The following HPSE2 variants were observed in gnomAD, a reference collection of about 807,000 sequenced individuals.
HPSE2 encodes the protein heparanase 2 (inactive), also known as inactive heparanase-2.
A neutral mutation model predicts 60.5 loss-of-function variants in HPSE2; 38 were observed. The ratio of observed to expected loss-of-function variants is 0.63; its 90% confidence interval spans 0.48 to 0.82. The LOEUF is 0.82. Ranked by LOEUF, HPSE2 falls within the 40% of genes least tolerant of loss-of-function variation. The pLI is 0.00. For missense variants in HPSE2, 713 were observed against 740.4 expected (o/e 0.96, Z 0.43); for synonymous variants, 295 against 293.2 (o/e 1.01, Z -0.06).
At chr10:98,662,981 G>A (rs958402261) in intron 6 of HPSE2, among the ~76,000 whole-genome samples, 4 of 152,170 alleles carry the variant, frequency 2.6e-5, no homozygotes, top group African/African-American at 9.7e-5. Flanking sequence ...GATAGGACAT[G>A]ATAGGACCAC....
intron 3 of HPSE2, among the ~76,000 whole-genome samples, chr10:99,128,856 T>A (rs531753975): frequency 1.3e-5 from 2 of 152,226 alleles, no homozygotes; most frequent in Non-Finnish European, 2.9e-5. Context: ...TTAATTTCAT[T>A]TTTTAAAAAA....
At chr10:98,543,308 T>G (rs1425006452) in intron 9 of HPSE2, among the ~76,000 whole-genome samples, 4 of 151,670 alleles carry the variant, frequency 2.6e-5, no homozygotes, top group Non-Finnish European at 4.4e-5. Context: ...AGGCCTGCCG[T>G]AAAAGAGCTC....
chr10:99,266,815 C>T, the HPSE2 span, among the ~76,000 whole-genome samples: 2 of 152,188 alleles, frequency 1.3e-5, no homozygotes, highest in Non-Finnish European at 2.9e-5. Context: ...AGATTGTTCA[C>T]ATCACACGAC....
At chr10:99,081,716 A>G (rs1262279366) in intron 3 of HPSE2, among the ~76,000 whole-genome samples, 1 of 151,756 alleles carries the variant, frequency 6.6e-6, no homozygotes, top group African/African-American at 2.4e-5. Flanking sequence ...GGCTCACTGC[A>G]ACCTCCGCCT....
intron 3 of HPSE2, among the ~76,000 whole-genome samples, chr10:98,771,977 G>T (rs1444860759): frequency 1.3e-5 from 2 of 152,188 alleles, no homozygotes; most frequent in Non-Finnish European, 2.9e-5. Flanking sequence ...GACACCATTT[G>T]CTAAGGCCAT....
chr10:98,933,002 C>A (rs574225665), intron 3 of HPSE2, among the ~76,000 whole-genome samples: 2 of 143,734 alleles, frequency 1.4e-5, no homozygotes, highest in South Asian at 4.2e-4. Flanking sequence ...CTGTCTTCTG[C>A]TAGCTCTAGG....
rs764975258 is a variant in HPSE2, at chr10:98,482,641, C to T, written c.1608G>A (p.Lys536=). The T allele has an allele frequency of 3.1e-6, 5 of 1,614,026 alleles. No individual in the cohort carries two copies. In the African/African-American group the frequency reaches 5.3e-5, roughly 17 times the overall value. ...ATTTTCAGGTTGGCACGTACTTGGACTTTAGGCCCTCCTGCCCATAGGGCT... is the reference window on the plus strand; with the variant it reads ...ATTTTCAGGTTGGCACGTACTTGGATTTTAGGCCCTCCTGCCCATAGGGCT... ...LLQPYGQEGL[K]SKSVQLNGQP... is the part of the protein sequence containing the mutation. The change falls in exon 11 of 12, where the codon AAG becomes AAA. Residue 536 remains lysine, a synonymous_variant. Coordinates refer to ENST00000370552, the MANE Select transcript of HPSE2 (RefSeq NM_021828.5).
intron 3 of HPSE2, among the ~76,000 whole-genome samples, chr10:98,955,625 T>C (rs1342190389): frequency 6.6e-6 from 1 of 152,152 alleles, no homozygotes; most frequent in Non-Finnish European, 1.5e-5. Context: ...CAAAAGAATA[T>C]AAATCATTCT....
intron 3 of HPSE2, among the ~76,000 whole-genome samples, chr10:98,839,921 A>G (rs1239759681): frequency 6.6e-6 from 1 of 152,260 alleles, no homozygotes; most frequent in Non-Finnish European, 1.5e-5. Context: ...AGAAGCATAA[A>G]TGGGAGAAAC....
chr10:98,927,484 C>T (rs1348899378), intron 3 of HPSE2, among the ~76,000 whole-genome samples: 2 of 148,818 alleles, frequency 1.3e-5, no homozygotes, highest in Non-Finnish European at 3.0e-5. Flanking sequence ...TTGGAAAAAA[C>T]TACTTTAAAG....
intron 6 of HPSE2, among the ~76,000 whole-genome samples, chr10:98,679,892 C>T (rs1382095833): frequency 1.3e-5 from 2 of 152,008 alleles, no homozygotes; most frequent in African/African-American, 2.4e-5. Flanking sequence ...ATGGGCTACT[C>T]TCAAACCCCT....
intron 5 of HPSE2, among the ~76,000 whole-genome samples, chr10:98,718,342 T>C (rs1948840517): frequency 6.6e-6 from 1 of 152,212 alleles, no homozygotes; most frequent in Non-Finnish European, 1.5e-5. Flanking sequence ...ATTCTATCTC[T>C]GTCTTCATAG....
chr10:98,461,695 G>A, intron 11 of HPSE2: 3 of 1,145,022 alleles, frequency 2.6e-6, no homozygotes, highest in Non-Finnish European at 3.8e-6. Context: ...TTTATATCAG[G>A]TCTCTGCTAG....
rs72831945 is a variant in HPSE2 at position 98,616,636 on chromosome 10, A to G, written c.1206-1618T>C. ...ATATTTTATTCTCAAAAAAACTAAC[A>G]AATATTTACTGACAATTAGAGTTAT... On this transcript the variant is annotated intron_variant, in intron 8 of 11. Transcript: ENST00000370552. Among the ~76,000 whole-genome samples, 1,058 of 152,320 alleles carry G rather than the reference A, an allele frequency of 6.9e-3. 10 individuals carry two copies. The highest frequency in any genetic ancestry group is 0.027 in the South Asian group (130 of 4,824).
At chr10:99,050,575 G>A (rs1055949250) in intron 3 of HPSE2, among the ~76,000 whole-genome samples, 1 of 152,104 alleles carries the variant, frequency 6.6e-6, no homozygotes, top group East Asian at 1.9e-4. Flanking sequence ...TGGAATTACT[G>A]CAATAAGTTA....
At chr10:98,708,834 G>A (rs955443866) in intron 5 of HPSE2, among the ~76,000 whole-genome samples, 1 of 152,052 alleles carries the variant, frequency 6.6e-6, no homozygotes, top group Admixed American at 6.6e-5. Flanking sequence ...AGAAGTCTTC[G>A]AATAATATTT....
At chr10:98,882,407 A>G (rs908005083) in intron 3 of HPSE2, among the ~76,000 whole-genome samples, 11 of 151,970 alleles carry the variant, frequency 7.2e-5, no homozygotes, top group African/African-American at 2.4e-4. Flanking sequence ...TTTTTTCTCA[A>G]AAGTCATGAG....
At chr10:98,942,894 T>G (rs1955054860) in intron 3 of HPSE2, among the ~76,000 whole-genome samples, 1 of 151,990 alleles carries the variant, frequency 6.6e-6, no homozygotes, top group East Asian at 1.9e-4. Flanking sequence ...TGGAATACTA[T>G]GCAGCCATAA....
At chr10:98,534,314 TGG>T (rs1311484138) in intron 9 of HPSE2, among the ~76,000 whole-genome samples, 1 of 152,248 alleles carries the variant, frequency 6.6e-6, no homozygotes, top group Non-Finnish European at 1.5e-5. Flanking sequence ...ATAAAAGTTA[TGG>T]AAGAAATCTG....
Sources: allele counts gnomAD v4.1 joint callset (sites outside exome capture counted in the v4.1 genomes callset), GRCh38; gene constraint gnomAD v4.1.1; transcripts MANE v1.5; gene names NCBI Gene and HGNC (gene_info 2026-07-23, HGNC 2026-07-21).